The following CHRM3 variants were observed in gnomAD, a reference collection of about 807,000 sequenced individuals.
The protein encoded by CHRM3 is muscarinic acetylcholine receptor M3.
Under a neutral mutation model 41.8 loss-of-function variants are expected in CHRM3, and 11 were observed. The observed-to-expected ratio is 0.26, with a 90% confidence interval of 0.17 to 0.44. The LOEUF (loss-of-function observed/expected upper bound fraction) is 0.44. Ranked by LOEUF, CHRM3 falls within the 20% of genes least tolerant of loss-of-function variation. The pLI, the probability that CHRM3 is intolerant of heterozygous loss-of-function variation, is 1.00. For missense variants in CHRM3, 571 were observed against 745.4 expected (o/e 0.77, Z 2.72); for synonymous variants, 297 against 301.4 (o/e 0.99, Z 0.15).
intron 1 of CHRM3, among the ~76,000 whole-genome samples, chr1:239,415,041 A>T (rs1400741791): frequency 6.6e-6 from 1 of 152,250 alleles, no homozygotes; most frequent in Non-Finnish European, 1.5e-5. Context: ...CAGCTTTCAA[A>T]CAAATGCATG....
Position 239,402,510 on chromosome 1 carries a change from A to G in CHRM3, c.-521+15283A>G, listed in dbSNP as rs553528991. Among the ~76,000 whole-genome samples, 939 of 152,198 alleles carry G rather than the reference A, an allele frequency of 6.2e-3. 8 individuals carry two copies. The highest frequency in any genetic ancestry group is 0.041 in the Middle Eastern group (12 of 294). On this transcript the variant is annotated intron_variant, in intron 1 of 6. Coordinates refer to ENST00000676153, the MANE Select transcript of CHRM3 (RefSeq NM_001375978.1). ...CAATTTTACCTCTACGTAACTTTTG[A>G]TTCCATCTCCCTTTCCCCGCTCTGT...
rs181639885 is a variant in CHRM3, at chr1:239,558,955, A to C, written c.-313+13206A>C. Among the ~76,000 whole-genome samples, 300 of 152,330 alleles carry C rather than the reference A, an allele frequency of 2.0e-3. 1 individual carries two copies. The highest frequency in any genetic ancestry group is 6.9e-3 in the African/African-American group (288 of 41,576). ...ACCCTAGATAGAAGCTTTCACAGGA[A>C]GGGCACCTGGAGGATACTCCATAAA... On this transcript the variant is annotated intron_variant, in intron 3 of 6. Transcript: ENST00000676153.
intron 5 of CHRM3, among the ~76,000 whole-genome samples, chr1:239,746,266 A>G (rs906816592): frequency 3.9e-5 from 6 of 152,236 alleles, no homozygotes; most frequent in Non-Finnish European, 1.5e-5. Flanking sequence ...CTTGGTGTTA[A>G]TAGATACTGA....
In CHRM3 at chr1:239,910,127, A is replaced by G. The variant is rs907732503; in HGVS notation, c.*903A>G. 1.2e-5 allele frequency: 2 copies of G among 166,854 alleles called. No individual in the cohort carries two copies. The highest frequency in any genetic ancestry group is 4.8e-5 in the African/African-American group (2 of 41,364). The allele number at this position is 166,854 out of a possible 1,614,324, so 10.3% of individuals were successfully genotyped here. ...GCTTCGCCAGACTTGGTGTTAAGCA[A>G]CCTCCTTTGTTGATGTCTCAACAGA... On this transcript the variant is annotated 3_prime_UTR_variant, in exon 7 of 7. Transcript: ENST00000676153.
At chr1:239,389,419 G>A (rs1470567341) in intron 1 of CHRM3, among the ~76,000 whole-genome samples, 1 of 152,072 alleles carries the variant, frequency 6.6e-6, no homozygotes, top group Non-Finnish European at 1.5e-5. Context: ...AGATTATTTA[G>A]GCATGTGTAA....
intron 6 of CHRM3, among the ~76,000 whole-genome samples, chr1:239,888,328 A>C (rs1289760669): frequency 2.0e-5 from 3 of 151,874 alleles, no homozygotes; most frequent in Non-Finnish European, 4.4e-5. Flanking sequence ...TGATTGCACC[A>C]CTGCATTCCA....
chr1:239,406,606 A>G (rs1192330407), intron 1 of CHRM3, among the ~76,000 whole-genome samples: 2 of 152,172 alleles, frequency 1.3e-5, no homozygotes, highest in Non-Finnish European at 2.9e-5. Flanking sequence ...CAAAGAAATA[A>G]CTAACTCAGT....
chr1:239,658,567 T>C (rs1440768456), intron 4 of CHRM3, among the ~76,000 whole-genome samples: 1 of 152,204 alleles, frequency 6.6e-6, no homozygotes. Flanking sequence ...ATCTTGATTA[T>C]ATGGTTGCCC....
At chr1:239,782,984 A>G (rs1668614970) in intron 5 of CHRM3, among the ~76,000 whole-genome samples, 1 of 47,926 alleles carries the variant, frequency 2.1e-5, no homozygotes, top group South Asian at 5.3e-4. Context: ...TTTGATTTCT[A>G]GTTTTTTTAA....
Position 239,788,669 on chromosome 1 carries a change from G to C in CHRM3, c.-146-38583G>C, listed in dbSNP as rs1036202604. 5.3e-5 allele frequency among the ~76,000 whole-genome samples: 8 copies of C among 152,130 alleles called. No homozygotes were observed. The South Asian group carries it at 1.5e-3, about 28-fold the overall frequency. On this transcript the variant is annotated intron_variant, in intron 5 of 6. Transcript: ENST00000676153. The stretch of plus-strand genomic sequence containing the variant: ...TAATCCTAGCTACTCGGGAGGCTGA[G>C]GTAGGAGAATTGCTTGAACCTGGGA...
chr1:239,757,517 G>C (rs1204858597), intron 5 of CHRM3, among the ~76,000 whole-genome samples: 7 of 151,690 alleles, frequency 4.6e-5, no homozygotes, highest in Non-Finnish European at 1.0e-4. Context: ...GTAGTCCCAG[G>C]TACTCGGGAG....
Position 239,907,608 on chromosome 1 carries a change from G to A in CHRM3, c.157G>A (p.Asp53Asn), listed in dbSNP as rs1371608077. The A allele has an allele frequency of 2.5e-6, 4 of 1,614,014 alleles. No individual in the cohort carries two copies. The highest frequency in any genetic ancestry group is 2.2e-5 in the East Asian group (1 of 44,882). ...AGCAGCTGGCAATTTCTCCTCTCCA[G>A]ACGGTACCACCGATGACCCTCTGGG... ...SRAAGNFSSP[D>N]GTTDDPLGGH... Residue 53 changes from aspartate (D) to asparagine (N), a missense_variant, in exon 7 of 7, where the codon GAC becomes AAC. Transcript: ENST00000676153. This position sits in a 1 kb window ranked among gnomAD's most constrained non-coding sequence, Gnocchi z 5.4.
chr1:239,688,422 TATAAATATATTTAC>T (rs1327739130), intron 5 of CHRM3, among the ~76,000 whole-genome samples: 2 of 143,858 alleles, frequency 1.4e-5, no homozygotes, highest in African/African-American at 5.1e-5. Context: ...TATAAATATA[TATAAATATATTTAC>T]ATATCATATT....
At chr1:239,522,606 G>A (rs1669727525) in intron 2 of CHRM3, among the ~76,000 whole-genome samples, 1 of 152,202 alleles carries the variant, frequency 6.6e-6, no homozygotes, top group Non-Finnish European at 1.5e-5. Context: ...GGACATGTAT[G>A]TTCTCTGCAT....
At chr1:239,420,209 T>C (rs1417112661) in intron 1 of CHRM3, among the ~76,000 whole-genome samples, 2 of 152,302 alleles carry the variant, frequency 1.3e-5, no homozygotes, top group Middle Eastern at 3.4e-3. Context: ...CTTTACTTAC[T>C]TCTGTCTTCA....
intron 6 of CHRM3, among the ~76,000 whole-genome samples, chr1:239,838,571 G>A (rs1370072509): frequency 6.6e-6 from 1 of 152,078 alleles, no homozygotes; most frequent in African/African-American, 2.4e-5. Flanking sequence ...CTTACCACAA[G>A]CCTACAAAGT....
chr1:239,523,042 C>T (rs1489594024), intron 2 of CHRM3, among the ~76,000 whole-genome samples: 1 of 151,964 alleles, frequency 6.6e-6, no homozygotes, highest in African/African-American at 2.4e-5. Flanking sequence ...AGAATTTAGC[C>T]CCTGTTTGTG....
At chr1:239,479,790 A>AAAGTACACT (rs200970003) in intron 1 of CHRM3, among the ~76,000 whole-genome samples, 2,025 of 152,324 alleles carry the variant, frequency 0.013, 36 homozygotes, top group African/African-American at 0.046. Flanking sequence ...GCACATGTCT[A>AAAGTACACT]AAGTACACTA....
chr1:239,450,193 A>C (rs908113773), intron 1 of CHRM3, among the ~76,000 whole-genome samples: 7 of 152,208 alleles, frequency 4.6e-5, no homozygotes, highest in Admixed American at 4.6e-4. Flanking sequence ...TCTTTTGTTT[A>C]AAAAATATTA....
Sources: gnomAD v4.1 joint callset for allele counts (sites outside exome capture counted in the v4.1 genomes callset) on GRCh38, gnomAD v4.1.1 for gene constraint, Gnocchi (gnomAD v3.1) non-coding constraint, MANE v1.5 for transcripts, NCBI Gene and HGNC (gene_info 2026-07-23, HGNC 2026-07-21) for gene names.